The following ATP10A variants were observed in gnomAD, a reference collection of about 807,000 sequenced individuals.
The protein encoded by ATP10A is phospholipid-transporting ATPase VA.
A neutral mutation model predicts 147.8 loss-of-function variants in ATP10A; 111 were observed. The observed-to-expected ratio is 0.75, with a 90% CI of 0.64 to 0.88. ATP10A has a LOEUF of 0.88. Ranked by LOEUF, ATP10A falls within the 40% of genes least tolerant of loss-of-function variation. The pLI, the probability that ATP10A is intolerant of heterozygous loss-of-function variation, is 0.00. For missense variants in ATP10A, 1,927 were observed against 1,959.0 expected, an observed-to-expected ratio of 0.98 and a Z score of 0.31; for synonymous variants, 875 against 841.6, an observed-to-expected ratio of 1.04 and a Z score of -0.69.
At chr15:25,673,903 G>A (rs1875281583), downstream of ATP10A, among the ~76,000 whole-genome samples, 1 of 152,156 alleles carries the variant, frequency 6.6e-6, no homozygotes, top group African/African-American at 2.4e-5. Flanking sequence ...GCGTGTGCAG[G>A]TGCCGAGGGA....
intron 1 of ATP10A, among the ~76,000 whole-genome samples, chr15:25,798,154 A>G (rs1890770058): frequency 6.6e-6 from 1 of 152,158 alleles, no homozygotes; most frequent in Non-Finnish European, 1.5e-5. Flanking sequence ...AGCTTCACTG[A>G]CATAGGCAGT....
intron 1 of ATP10A, among the ~76,000 whole-genome samples, chr15:25,804,760 G>A (rs1006570005): frequency 2.6e-5 from 4 of 152,130 alleles, no homozygotes; most frequent in African/African-American, 9.7e-5. Context: ...TTTAAGAATC[G>A]AATGAGAATT....
chr15:25,767,107 TAG>T (rs1309900829), intron 2 of ATP10A, among the ~76,000 whole-genome samples: 2 of 152,198 alleles, frequency 1.3e-5, no homozygotes, highest in African/African-American at 4.8e-5. Flanking sequence ...TGTTCTGGTC[TAG>T]AGAGCCATTC....
chr15:25,817,963 T>C (rs1278763109), intron 1 of ATP10A, among the ~76,000 whole-genome samples: 1 of 152,234 alleles, frequency 6.6e-6, no homozygotes, highest in Admixed American at 6.5e-5. Context: ...AAATTAGTTT[T>C]AGTATTCTAG....
chr15:25,749,401 C>T (rs1277209283), intron 2 of ATP10A, among the ~76,000 whole-genome samples: 2 of 152,166 alleles, frequency 1.3e-5, no homozygotes, highest in African/African-American at 2.4e-5. Context: ...CTGCTTCCAC[C>T]AGCCACACTG....
rs145202675 is a variant in ATP10A at position 25,804,721 on chromosome 15, C to G, written c.450-23498G>C. On this transcript the variant is annotated intron_variant, in intron 1 of 20. Transcript: ENST00000555815. ...TCTCATCTGTGAAATGCGGTAACGACAGTAGGCCAGTCACCTCTCAGCACA... is the reference window on the plus strand; with the variant it reads ...TCTCATCTGTGAAATGCGGTAACGAGAGTAGGCCAGTCACCTCTCAGCACA... Among the ~76,000 whole-genome samples the G allele has an allele frequency of 4.6e-3, 707 of 152,286 alleles. 7 individuals are homozygous for G. Among genetic ancestry groups the G allele is most frequent in the African/African-American group, 0.016 (661 of 41,568 alleles).
chr15:25,720,860 T>C (rs1238290142), intron 7 of ATP10A, among the ~76,000 whole-genome samples: 1 of 152,236 alleles, frequency 6.6e-6, no homozygotes, highest in African/African-American at 2.4e-5. Context: ...CAAATCCTTC[T>C]AAAGAGCAGC....
Position 25,773,817 on chromosome 15 carries a change from TCCACAC to T in ATP10A, c.654+7196_654+7201del, listed in dbSNP as rs750696913. 6.7e-3 allele frequency among the ~76,000 whole-genome samples: 700 copies of T among 105,068 alleles called. 4 individuals are homozygous for T. Among genetic ancestry groups the T allele is most frequent in the Middle Eastern group, 0.016 (3 of 186 alleles). The allele number at this position is 105,068 out of a possible 152,430, so 68.9% of individuals were successfully genotyped here. A position where few individuals can be genotyped will look rare whatever the true frequency, so the allele number is the denominator to read the frequency against. On this transcript the variant is annotated intron_variant, in intron 2 of 20. Transcript: ENST00000555815. ...TCACACAAACATACACACCTAAACA[TCCACAC>T]ACACACACACACACACACACACACA...
Position 25,756,911 on chromosome 15 carries a change from G to T in ATP10A, c.655-20770C>A, listed in dbSNP as rs138125431. Among the ~76,000 whole-genome samples the T allele has an allele frequency of 1.4e-3, 218 of 152,314 alleles. 1 individual carries two copies. The highest frequency in any genetic ancestry group is 5.1e-3 in the African/African-American group (212 of 41,570). On this transcript the variant is annotated intron_variant, in intron 2 of 20. Coordinates refer to ENST00000555815, the MANE Select transcript of ATP10A (RefSeq NM_024490.4). ...AAAATGGTTCACAGGGAAAACTTGA[G>T]ATGATGGCTAGTTTAGCTCAATGTC...
chr15:25,810,913 C>A (rs11161228), intron 1 of ATP10A, among the ~76,000 whole-genome samples: 1 of 151,846 alleles, frequency 6.6e-6, no homozygotes, highest in African/African-American at 2.4e-5. Flanking sequence ...CACAGCCTTA[C>A]AAAGGCACAC....
chr15:25,721,860 C>G lies in ATP10A; in HGVS notation c.1160G>C (p.Cys387Ser), dbSNP rs374438492. The change falls in exon 7 of 21, where the codon TGC becomes TCC. Residue 387 changes from cysteine to serine, a missense_variant. By Grantham distance (112) the Cys-to-Ser change is moderately radical. Coordinates refer to ENST00000555815, the MANE Select transcript of ATP10A (RefSeq NM_024490.4). The part of the protein sequence containing the change: ...LYVSIEIVKA[C>S]QVYFINQDMQ... Reference sequence around the variant, plus strand: ...GTCCTGGTTAATGAAGTACACTTGGCATGCTTTAACAATTTCAATGGAAAC... The same window carrying G: ...GTCCTGGTTAATGAAGTACACTTGGGATGCTTTAACAATTTCAATGGAAAC... The G allele has an allele frequency of 6.2e-7, 1 of 1,613,850 alleles. No individual in the cohort carries two copies. The highest frequency in any genetic ancestry group is 8.5e-7 in the Non-Finnish European group (1 of 1,179,900).
intron 1 of ATP10A, among the ~76,000 whole-genome samples, chr15:25,818,106 ATTGT>A (rs10601415): frequency 0.37 from 56,260 of 151,714 alleles, 12,087 homozygotes; most frequent in African/African-American, 0.6. Context: ...TTGCATGGAA[ATTGT>A]TTGAAACATC....
intron 11 of ATP10A, 39 bp from the exon 12 acceptor site, chr15:25,708,141 GCT>G: frequency 1.2e-6 from 2 of 1,613,160 alleles, no homozygotes; most frequent in Non-Finnish European, 1.7e-6. Context: ...ACCGGGCGCT[GCT>G]CACTGTGGGG....
chr15:25,743,678 G>A (rs1273056767), intron 2 of ATP10A, among the ~76,000 whole-genome samples: 2 of 152,216 alleles, frequency 1.3e-5, no homozygotes, highest in Non-Finnish European at 2.9e-5. Context: ...ACAGTCATTT[G>A]TTGTCTCGCA....
chr15:25,817,855 A>T (rs1275938855), intron 1 of ATP10A, among the ~76,000 whole-genome samples: 1 of 152,224 alleles, frequency 6.6e-6, no homozygotes, highest in Non-Finnish European at 1.5e-5. Context: ...AATTTGAAAG[A>T]TTACATGTAA....
intron 1 of ATP10A, among the ~76,000 whole-genome samples, chr15:25,786,452 G>A (rs571083614): frequency 2.6e-5 from 4 of 152,214 alleles, no homozygotes; most frequent in Non-Finnish European, 2.9e-5. Context: ...TTCATGCCCA[G>A]CTGTAGCAAG....
chr15:25,850,590 T>C (rs911893604), intron 1 of ATP10A, among the ~76,000 whole-genome samples: 1 of 152,072 alleles, frequency 6.6e-6, no homozygotes, highest in African/African-American at 2.4e-5. Context: ...TGGAACTGTG[T>C]AGAGCGTCCG....
At chr15:25,845,434 G>A (rs1458642570) in intron 1 of ATP10A, among the ~76,000 whole-genome samples, 3 of 152,126 alleles carry the variant, frequency 2.0e-5, no homozygotes, top group Non-Finnish European at 4.4e-5. Context: ...GAGCCTCCCC[G>A]GAACTGTTTT....
At chr15:25,706,277 C>T (rs544641042) in intron 12 of ATP10A, among the ~76,000 whole-genome samples, 14 of 152,284 alleles carry the variant, frequency 9.2e-5, no homozygotes, top group African/African-American at 3.4e-4. Flanking sequence ...GCACGATCAC[C>T]AGAGAAAGCC....
Sources: allele counts gnomAD v4.1 joint callset (sites outside exome capture counted in the v4.1 genomes callset), GRCh38; gene constraint gnomAD v4.1.1; transcripts MANE v1.5; gene names NCBI Gene and HGNC (gene_info 2026-07-23, HGNC 2026-07-21).